The following NEDD9 variants were observed in gnomAD, a reference collection of about 807,000 sequenced individuals.
NEDD9 encodes enhancer of filamentation 1.
In NEDD9, 26 loss-of-function variants were observed where a neutral mutation model predicts 76.6. The observed-to-expected ratio is 0.34, with a 90% confidence interval of 0.25 to 0.47. The LOEUF is 0.47. Ranked by LOEUF, NEDD9 falls within the 20% of genes least tolerant of loss-of-function variation. The pLI, the probability that NEDD9 is intolerant of heterozygous loss-of-function variation, is 1.00. For missense variants in NEDD9, 937 were observed against 1,058.5 expected (o/e 0.89, Z 1.59); for synonymous variants, 392 against 414.2 (o/e 0.95, Z 0.65).
At chr6:11,203,972 C>T (rs1263996323) in intron 2 of NEDD9, among the ~76,000 whole-genome samples, 5 of 109,460 alleles carry the variant, frequency 4.6e-5, no homozygotes, top group African/African-American at 1.7e-4. Flanking sequence ...AGTATCTTTT[C>T]TTTAAAAAAA....
intron 3 of NEDD9, chr6:11,305,083 G>A (rs758363038): frequency 1.1e-4 from 142 of 1,287,342 alleles, no homozygotes; most frequent in Non-Finnish European, 1.4e-4. Flanking sequence ...CGTTTGCCCA[G>A]AAAGGAGATT....
chr6:11,282,641 CT>C (rs1226639821), intron 3 of NEDD9, among the ~76,000 whole-genome samples: 3 of 152,106 alleles, frequency 2.0e-5, no homozygotes, highest in African/African-American at 7.2e-5. Flanking sequence ...TCATTTTTTA[CT>C]TTTTTCATGG....
intron 3 of NEDD9, among the ~76,000 whole-genome samples, chr6:11,266,005 G>T (rs58297187): frequency 0.18 from 25,867 of 146,122 alleles, 2,527 homozygotes; most frequent in African/African-American, 0.28. Context: ...GACATAGAGA[G>T]TAGAATGATT....
At chr6:11,261,850 C>T (rs899489407) in intron 3 of NEDD9, among the ~76,000 whole-genome samples, 2 of 152,110 alleles carry the variant, frequency 1.3e-5, no homozygotes, top group Non-Finnish European at 2.9e-5. Context: ...TTCGGCCCAG[C>T]GGTGAAGCTT....
chr6:11,342,658 C>T (rs2113523295), intron 1 of NEDD9, among the ~76,000 whole-genome samples: 1 of 152,282 alleles, frequency 6.6e-6, no homozygotes, highest in African/African-American at 2.4e-5. Flanking sequence ...ATCTGAACTA[C>T]AGGCAATGCT....
chr6:11,305,676 T>A (rs1052203573), intron 3 of NEDD9, among the ~76,000 whole-genome samples: 2 of 152,184 alleles, frequency 1.3e-5, no homozygotes, highest in African/African-American at 2.4e-5. Flanking sequence ...GAATGAATAG[T>A]TCAGTGAGTG....
intron 3 of NEDD9, among the ~76,000 whole-genome samples, chr6:11,287,862 C>T (rs2113369755): frequency 6.6e-6 from 1 of 152,312 alleles, no homozygotes; most frequent in East Asian, 1.9e-4. Context: ...TTGTAATGAG[C>T]TGTCACTGTC....
chr6:11,200,057 G>A, intron 2 of NEDD9: 2 of 214,088 alleles, frequency 9.3e-6, no homozygotes, highest in Non-Finnish European at 2.0e-5. Flanking sequence ...TAATAGAGGT[G>A]AGATTGCTTT....
intron 3 of NEDD9, among the ~76,000 whole-genome samples, chr6:11,300,631 C>T (rs376572840): frequency 1.3e-5 from 2 of 152,176 alleles, no homozygotes; most frequent in African/African-American, 4.8e-5. Context: ...GGGTTACCCA[C>T]AAAGGGAAGC....
At chr6:11,306,867 T>C (rs1761200134) in intron 2 of NEDD9, among the ~76,000 whole-genome samples, 1 of 152,218 alleles carries the variant, frequency 6.6e-6, no homozygotes, top group Non-Finnish European at 1.5e-5. Context: ...TGGACTGGGC[T>C]TTCGGTGAGT....
chr6:11,322,828 A>T (rs1443469087), intron 2 of NEDD9, among the ~76,000 whole-genome samples: 2 of 152,166 alleles, frequency 1.3e-5, no homozygotes, highest in Admixed American at 6.5e-5. Context: ...TTGTTTGCAA[A>T]CACCCACAGG....
At chr6:11,290,766 G>A (rs1760746131) in intron 3 of NEDD9, among the ~76,000 whole-genome samples, 2 of 152,162 alleles carry the variant, frequency 1.3e-5, no homozygotes, top group East Asian at 1.9e-4. Flanking sequence ...CATGTCTTCC[G>A]AGTCTCAGTC....
chr6:11,183,528 T>C lies in NEDD9; in HGVS notation c.*1634A>G, dbSNP rs1028618335. On this transcript the variant is annotated 3_prime_UTR_variant, in exon 7 of 7. Coordinates refer to ENST00000379446, the MANE Select transcript of NEDD9 (RefSeq NM_006403.4). ...GATTTTCAGCAACCCTCTTCCCACA[T>C]GAACATTTCCTTGTAATGTAATGTA... 1 of 152,264 alleles carries C rather than the reference T, an allele frequency of 6.6e-6. No homozygotes were observed. Among genetic ancestry groups the C allele is most frequent in the Non-Finnish European group, 1.5e-5 (1 of 68,042 alleles). 9.4% of individuals were successfully genotyped at this position (152,264 alleles called of 1,614,324 possible).
intron 3 of NEDD9, among the ~76,000 whole-genome samples, chr6:11,302,271 ATGGATAAATTCC>A (rs1463819965): frequency 6.6e-6 from 1 of 152,234 alleles, no homozygotes; most frequent in Non-Finnish European, 1.5e-5. Flanking sequence ...TCTAGAAGAA[ATGGATAAATTCC>A]TGGACACATA....
intron 5 of NEDD9, 101 bp from the exon 6 acceptor site, chr6:11,188,408 G>T: frequency 1.9e-6 from 2 of 1,049,332 alleles, no homozygotes; most frequent in Non-Finnish European, 2.9e-6. Flanking sequence ...ATTTTCCACT[G>T]CCTTGGCAAC....
chr6:11,283,655 A>T (rs985829082), intron 3 of NEDD9, among the ~76,000 whole-genome samples: 1 of 152,200 alleles, frequency 6.6e-6, no homozygotes, highest in Admixed American at 6.5e-5. Flanking sequence ...ATAATCTTGA[A>T]TGCCTCTTTC....
intron 1 of NEDD9, among the ~76,000 whole-genome samples, chr6:11,342,150 A>C (rs1008352224): frequency 6.6e-6 from 1 of 152,100 alleles, no homozygotes; most frequent in Non-Finnish European, 1.5e-5. Context: ...GAAGAACAGA[A>C]ATAAAAAATA....
chr6:11,195,542 G>A (rs935804262), intron 2 of NEDD9, among the ~76,000 whole-genome samples: 20 of 151,994 alleles, frequency 1.3e-4, no homozygotes, highest in Admixed American at 1.2e-3. Flanking sequence ...TACTTAGAGC[G>A]CTGTCTTGGC....
intron 2 of NEDD9, among the ~76,000 whole-genome samples, chr6:11,205,802 G>A (rs1758590524): frequency 6.6e-6 from 1 of 152,046 alleles, no homozygotes; most frequent in Non-Finnish European, 1.5e-5. Flanking sequence ...TAATTTTTTT[G>A]TATTTAGTGG....
Sources: gnomAD v4.1 joint callset for allele counts (sites outside exome capture counted in the v4.1 genomes callset) on GRCh38, gnomAD v4.1.1 for gene constraint, MANE v1.5 for transcripts, NCBI Gene and HGNC (gene_info 2026-07-23, HGNC 2026-07-21) for gene names.